The following BCAS3 variants were observed in gnomAD, a reference collection of about 807,000 sequenced individuals.
The protein encoded by BCAS3 is BCAS3 microtubule associated cell migration factor, also known as BCAS4/BCAS3 fusion.
A neutral mutation model predicts 116.1 loss-of-function variants in BCAS3; 53 were observed. The ratio of observed to expected loss-of-function variants is 0.46; its 90% CI spans 0.37 to 0.57. The LOEUF is 0.57. Ranked by LOEUF, BCAS3 falls within the 20% of genes least tolerant of loss-of-function variation. BCAS3 has a pLI of 0.00. For missense variants in BCAS3, 917 were observed against 1,165.4 expected, an observed-to-expected ratio of 0.79 and a Z score of 3.10; for synonymous variants, 391 against 408.2, an observed-to-expected ratio of 0.96 and a Z score of 0.51.
At chr17:60,875,894 G>A (rs1367065214) in intron 9 of BCAS3, among the ~76,000 whole-genome samples, 1 of 151,822 alleles carries the variant, frequency 6.6e-6, no homozygotes, top group Non-Finnish European at 1.5e-5. Context: ...TTATTATCTA[G>A]TTTCAACAAC....
intron 4 of BCAS3, among the ~76,000 whole-genome samples, chr17:60,697,582 C>CAAA (rs758307797): frequency 6.8e-5 from 4 of 58,984 alleles, no homozygotes; most frequent in Non-Finnish European, 1.2e-4. Context: ...GACTCTGTCT[C>CAAA]AAAAAAAAAA....
intron 23 of BCAS3, among the ~76,000 whole-genome samples, chr17:61,370,529 C>T (rs1426988990): frequency 6.6e-6 from 1 of 152,180 alleles, no homozygotes; most frequent in Non-Finnish European, 1.5e-5. Flanking sequence ...GCTATGATTA[C>T]AGGCGCCCGC....
intron 6 of BCAS3, among the ~76,000 whole-genome samples, chr17:60,775,904 G>T (rs1213264245): frequency 2.6e-5 from 4 of 152,156 alleles, no homozygotes; most frequent in African/African-American, 7.2e-5. Context: ...TGCATTCATT[G>T]AGAAGAAATG....
chr17:61,289,819 CTG>C (rs1313228949), intron 22 of BCAS3, among the ~76,000 whole-genome samples: 1 of 152,050 alleles, frequency 6.6e-6, no homozygotes, highest in Non-Finnish European at 1.5e-5. Context: ...AGACTAATAA[CTG>C]TTTAGGGAGT....
chr17:61,098,883 T>C lies in BCAS3; in HGVS notation c.2425+14319T>C, dbSNP rs989992561. ...GCTCACACCTGTAATACCAGCACTT[T>C]GGGAGGCCGAGGCAGGTGATCACCA... On this transcript the variant is annotated intron_variant, in intron 22 of 23. Transcript: ENST00000407086. The surrounding 1 kb of genome is among the most constrained non-coding windows in gnomAD (Gnocchi z 4.2). Among the ~76,000 whole-genome samples, 6 of 152,086 alleles carry C rather than the reference T, an allele frequency of 3.9e-5. No homozygotes were observed. The highest frequency in any genetic ancestry group is 1.5e-5 in the Non-Finnish European group (1 of 68,008).
In BCAS3 at chr17:61,347,050, C is replaced by A. The variant is rs553154930; in HGVS notation, c.2426-21277C>A. On this transcript the variant is annotated intron_variant, in intron 22 of 23. Transcript: ENST00000407086. This position sits in a 1 kb window ranked among gnomAD's most constrained non-coding sequence, Gnocchi z 4.3. ...AAATTGATTCCCTTTTCTATAAAAT[C>A]ACTCTCTAAATATTGGATTTTTGTT... Among the ~76,000 whole-genome samples, 1 of 152,296 alleles carries A rather than the reference C, an allele frequency of 6.6e-6. No homozygotes were observed. The highest frequency in any genetic ancestry group is 1.9e-4 in the East Asian group (1 of 5,188).
At chr17:60,692,490 T>C (rs1441833320) in intron 4 of BCAS3, among the ~76,000 whole-genome samples, 4 of 151,978 alleles carry the variant, frequency 2.6e-5, no homozygotes, top group Admixed American at 2.6e-4. Context: ...GATCCGCCCG[T>C]CTTGGCCTCC....
At chr17:61,044,051 T>C (rs914273323) in intron 19 of BCAS3, among the ~76,000 whole-genome samples, 4 of 152,030 alleles carry the variant, frequency 2.6e-5, no homozygotes, top group African/African-American at 9.7e-5. Context: ...CATTAATCTT[T>C]CTTAAATGTA....
At chr17:60,798,112 A>G (rs183786837) in intron 6 of BCAS3, among the ~76,000 whole-genome samples, 53 of 152,298 alleles carry the variant, frequency 3.5e-4, no homozygotes, top group Non-Finnish European at 5.6e-4. Flanking sequence ...CCCACTTCCC[A>G]CTTTTTGTAT....
intron 22 of BCAS3, among the ~76,000 whole-genome samples, chr17:61,187,038 T>A (rs2079822573): frequency 6.6e-6 from 1 of 152,198 alleles, no homozygotes; most frequent in South Asian, 2.1e-4. Flanking sequence ...CCAGAAATGT[T>A]TTATGCAGTA....
intron 16 of BCAS3, chr17:61,016,988 T>A (rs554429428): frequency 6.6e-6 from 1 of 152,292 alleles, no homozygotes; most frequent in South Asian, 2.1e-4. Context: ...TGTTGCTGCA[T>A]GCAGACATAA....
At chr17:61,043,103 G>A (rs562525124) in intron 19 of BCAS3, among the ~76,000 whole-genome samples, 7 of 151,814 alleles carry the variant, frequency 4.6e-5, no homozygotes, top group South Asian at 2.1e-4. Context: ...AGTGGCTCAC[G>A]CCTGTAATCC....
intron 6 of BCAS3, among the ~76,000 whole-genome samples, chr17:60,754,070 C>G (rs2042757044): frequency 6.6e-6 from 1 of 152,150 alleles, no homozygotes; most frequent in Admixed American, 6.5e-5. Flanking sequence ...GTCTCTCTCT[C>G]TCTTGCCCAT....
In BCAS3 at chr17:60,967,949, T is replaced by TTTGTTGTTGTTG. The variant is rs58004084; in HGVS notation, c.1221+20615_1221+20626dup. Among the ~76,000 whole-genome samples the TTTGTTGTTGTTG allele has an allele frequency of 0.05, 7,538 of 151,352 alleles. 656 individuals are homozygous for TTTGTTGTTGTTG. The highest frequency in any genetic ancestry group is 0.17 in the African/African-American group (7,133 of 41,022). On this transcript the variant is annotated intron_variant, in intron 14 of 23. Coordinates refer to ENST00000407086, the MANE Select transcript of BCAS3 (RefSeq NM_017679.5). The surrounding 1 kb of genome is among the most constrained non-coding windows in gnomAD (Gnocchi z 4.7). ...AATTTCTGAATTGCTTTTCTGTGTG[T>TTTGTTGTTGTTG]TTGTTGTTGTTGTTGTTGTTGTTGT... is the stretch of plus-strand genomic sequence containing the variant.
intron 10 of BCAS3, among the ~76,000 whole-genome samples, chr17:60,890,592 AATTT>A (rs2057079250): frequency 6.6e-6 from 1 of 152,182 alleles, no homozygotes; most frequent in Admixed American, 6.5e-5. Flanking sequence ...GTTATTTATC[AATTT>A]ATTTATTAAG....
rs112119105 is a variant in BCAS3 at position 61,078,717 on chromosome 17, G to A, written c.2327+188G>A. Among the ~76,000 whole-genome samples, 8 of 152,108 alleles carry A rather than the reference G, an allele frequency of 5.3e-5. No individual in the cohort carries two copies. The East Asian group carries it at 5.8e-4, about 11-fold the overall frequency. On this transcript the variant is annotated intron_variant, in intron 21 of 23. Coordinates refer to ENST00000407086, the MANE Select transcript of BCAS3 (RefSeq NM_017679.5). ...ATAGGGTCTCGTGGGATCACATTAC[G>A]TGCAATAAATACTTGCTTTTCAGAT...
At chr17:60,723,019 C>T (rs1039412426) in intron 5 of BCAS3, among the ~76,000 whole-genome samples, 4 of 151,902 alleles carry the variant, frequency 2.6e-5, no homozygotes, top group Admixed American at 6.6e-5. Flanking sequence ...CCAGCCTGGG[C>T]GACACAGGAC....
intron 6 of BCAS3, among the ~76,000 whole-genome samples, chr17:60,793,311 G>A (rs2046935928): frequency 6.6e-6 from 1 of 151,996 alleles, no homozygotes; most frequent in South Asian, 2.1e-4. Context: ...TGGCCAAGCT[G>A]GTGTTGAACT....
intron 11 of BCAS3, 62 bp from the exon 12 acceptor site, chr17:60,910,470 G>A (rs564707026): frequency 5.1e-5 from 66 of 1,293,240 alleles, no homozygotes; most frequent in African/African-American, 1.2e-4. Context: ...AATAAAATGC[G>A]TATTTCTATG....
Sources: allele counts gnomAD v4.1 joint callset (sites outside exome capture counted in the v4.1 genomes callset), GRCh38; gene constraint gnomAD v4.1.1; non-coding constraint Gnocchi (gnomAD v3.1); transcripts MANE v1.5; gene names NCBI Gene and HGNC (gene_info 2026-07-23, HGNC 2026-07-21).